The following MPRIP variants were observed in gnomAD, a reference collection of about 807,000 sequenced individuals.
The protein encoded by MPRIP is myosin phosphatase Rho interacting protein.
A neutral mutation model predicts 234.9 loss-of-function variants in MPRIP; 59 were observed. The ratio of observed to expected loss-of-function variants is 0.25; its 90% CI spans 0.20 to 0.31. The LOEUF (loss-of-function observed/expected upper bound fraction) is 0.31, where lower values mean the gene tolerates loss of function less well. Among genes scored for constraint, MPRIP ranks in the 10% least tolerant of loss-of-function variants. The probability of loss-of-function intolerance (pLI) is 1.00; values close to 1 mark genes in which losing one functional copy is unlikely to be tolerated. For missense variants in MPRIP, 2,436 were observed against 3,071.0 expected, an observed-to-expected ratio of 0.79 and a Z score of 4.89; for synonymous variants, 1,144 against 1,263.9, an observed-to-expected ratio of 0.91 and a Z score of 2.01.
intron 3 of MPRIP, among the ~76,000 whole-genome samples, chr17:17,116,660 C>T (rs2090291545): frequency 6.6e-6 from 1 of 152,208 alleles, no homozygotes; most frequent in African/African-American, 2.4e-5. Context: ...AGGTCTGAGG[C>T]CTCCGTCCTG....
intron 7 of MPRIP, chr17:17,142,403 G>A (rs1034825413): frequency 2.6e-5 from 13 of 503,036 alleles, no homozygotes; most frequent in Non-Finnish European, 2.1e-5. Context: ...GGCCTCTAGC[G>A]CGGGGGCAGA....
At chr17:17,145,933 T>C in intron 9 of MPRIP, 103 bp from the exon 10 acceptor site, 1 of 1,165,770 alleles carries the variant, frequency 8.6e-7, no homozygotes, top group Non-Finnish European at 1.2e-6. Context: ...GAGAAACCCC[T>C]TTCCTGGTAC....
At chr17:17,179,888 T>A (rs553790280) in intron 22 of MPRIP, 115 bp from the exon 23 acceptor site, 111 of 805,764 alleles carry the variant, frequency 1.4e-4, no homozygotes, top group Admixed American at 7.4e-4. Context: ...TTTAAGGAAT[T>A]GTCCTAAGTA....
chr17:17,104,770 G>T (rs748456276), intron 3 of MPRIP, among the ~76,000 whole-genome samples: 2 of 152,136 alleles, frequency 1.3e-5, no homozygotes, highest in Non-Finnish European at 2.9e-5. Flanking sequence ...GAGCACCCAC[G>T]CTTCCAGTCT....
rs1221986603 is a variant in MPRIP, at chr17:17,158,606, C to T, written c.2004C>T (p.Pro668=). ...SKTFDWAEFR[P]IQQALAQERV... ...CCTTTGACTGGGCTGAGTTCCGTCCCATCCAGCAGGCCCTGGCTCAGGAGC... is the reference window on the plus strand; with the variant it reads ...CCTTTGACTGGGCTGAGTTCCGTCCTATCCAGCAGGCCCTGGCTCAGGAGC... The change falls in exon 14 of 24, where the codon CCC becomes CCT. Residue 668 remains proline, a synonymous_variant. Coordinates refer to ENST00000651222, the MANE Select transcript of MPRIP (RefSeq NM_001364716.4). 1 of 1,605,520 alleles carries T rather than the reference C, an allele frequency of 6.2e-7. No homozygotes were observed. Among genetic ancestry groups the T allele is most frequent in the Non-Finnish European group, 8.5e-7 (1 of 1,176,740 alleles).
At chr17:17,052,344 T>C (rs2088567131) in intron 1 of MPRIP, among the ~76,000 whole-genome samples, 2 of 152,194 alleles carry the variant, frequency 1.3e-5, no homozygotes, top group African/African-American at 2.4e-5. Context: ...TGCTGCAGAA[T>C]AAATCACAGC....
intron 16 of MPRIP, chr17:17,169,023 C>T (rs1349289526): frequency 2.2e-6 from 1 of 456,758 alleles, no homozygotes; most frequent in African/African-American, 2.0e-5. Flanking sequence ...TCGGCCCCAC[C>T]CAGACACACA....
chr17:17,055,309 A>G (rs1220445028), intron 1 of MPRIP, among the ~76,000 whole-genome samples: 1 of 152,164 alleles, frequency 6.6e-6, no homozygotes, highest in East Asian at 1.9e-4. Flanking sequence ...ACTGCCTTGC[A>G]GTTGTCTGGG....
chr17:17,145,946 G>A (rs1410841191), intron 9 of MPRIP, 90 bp from the exon 10 acceptor site: 24 of 1,259,766 alleles, frequency 1.9e-5, no homozygotes, highest in Admixed American at 3.9e-5. Flanking sequence ...CCTGGTACCC[G>A]CCTCATCTGG....
At chr17:17,066,721 ATCTTTTTTTTTTTTTTTTTTTTTTTTT>A in intron 1 of MPRIP, among the ~76,000 whole-genome samples, 1 of 39,452 alleles carries the variant, frequency 2.5e-5, no homozygotes, top group Non-Finnish European at 7.6e-5. Context: ...TACTTTTTTC[ATCTTTTTTTTTTTTTTTTTTTTTTTTT>A]TTTTTTTTTT....
intron 15 of MPRIP, among the ~76,000 whole-genome samples, chr17:17,162,663 A>AT (rs2045898699): frequency 6.6e-6 from 1 of 152,228 alleles, no homozygotes; most frequent in Non-Finnish European, 1.5e-5. Context: ...GCCTCATCCT[A>AT]TAAGAACTGG....
At chr17:17,112,155 G>A (rs1273804163) in intron 3 of MPRIP, among the ~76,000 whole-genome samples, 1 of 152,138 alleles carries the variant, frequency 6.6e-6, no homozygotes, top group Non-Finnish European at 1.5e-5. Context: ...ATACTTGCGG[G>A]ACAGAACATG....
intron 3 of MPRIP, among the ~76,000 whole-genome samples, chr17:17,086,194 G>A (rs994624820): frequency 2.6e-5 from 4 of 152,152 alleles, no homozygotes; most frequent in African/African-American, 4.8e-5. Flanking sequence ...AAGGAGAAGC[G>A]GCTGGGTCCG....
chr17:17,065,786 C>T (rs754618424), intron 1 of MPRIP, among the ~76,000 whole-genome samples: 1 of 152,150 alleles, frequency 6.6e-6, no homozygotes, highest in African/African-American at 2.4e-5. Flanking sequence ...TTGCAGTCCA[C>T]GAACACATTA....
chr17:17,166,558 A>G lies in MPRIP; in HGVS notation c.4967A>G (p.Gln1656Arg), dbSNP rs2046001969. 3 of 1,304,254 alleles carry G rather than the reference A, an allele frequency of 2.3e-6. No homozygotes were observed. Among genetic ancestry groups the G allele is most frequent in the Non-Finnish European group, 3.0e-6 (3 of 988,976 alleles). 80.8% of individuals were successfully genotyped at this position (1,304,254 alleles called of 1,614,324 possible). Residue 1656 changes from glutamine to arginine, a missense_variant, in exon 16 of 24, where the codon CAG becomes CGG. Physicochemically the swap from Gln to Arg is conservative, Grantham distance 43. Around this residue, in one of 4 missense-constraint regions of MPRIP, gnomAD observed 1,998 missense variants for 2,520.3 expected, o/e 0.79. Transcript: ENST00000651222. This position sits in a 1 kb window ranked among gnomAD's most constrained non-coding sequence, Gnocchi z 4.4. Reference sequence around the variant, plus strand: ...GGAGACGGGCAGCAAAGCATCCCACAGGGCCTGGCCCCCATCCTGGCCAAT... The same window carrying G: ...GGAGACGGGCAGCAAAGCATCCCACGGGGCCTGGCCCCCATCCTGGCCAAT... ...ASGDGQQSIP[Q>R]GLAPILANAT...
chr17:17,164,580 A>C lies in MPRIP; in HGVS notation c.2989A>C (p.Ile997Leu). The change falls in exon 16 of 24, where the codon ATT (isoleucine) becomes CTT (leucine). Residue 997 changes from isoleucine (I) to leucine (L), a missense_variant. Ile to Leu is a conservative substitution (Grantham distance 5). Coordinates refer to ENST00000651222, the MANE Select transcript of MPRIP (RefSeq NM_001364716.4). ...GGAGGTCCAGAGGCTGCAGGAGCGC[A>C]TTGCCGACCTCAGCCAGCAACTGGG... ...QKEVQRLQER[I>L]ADLSQQLGAS... 8.3e-7 allele frequency: 1 copy of C among 1,211,224 alleles called. No individual in the cohort carries two copies. Among genetic ancestry groups the C allele is most frequent in the Non-Finnish European group, 1.1e-6 (1 of 946,888 alleles). The allele number at this position is 1,211,224 out of a possible 1,614,324, so 75.0% of individuals were successfully genotyped here.
chr17:17,071,840 G>T (rs1474244670), intron 1 of MPRIP, among the ~76,000 whole-genome samples: 1 of 152,136 alleles, frequency 6.6e-6, no homozygotes, highest in African/African-American at 2.4e-5. Context: ...CAGGACTCGG[G>T]CCCCATCCTT....
At chr17:17,063,271 G>C (rs1302399617) in intron 1 of MPRIP, among the ~76,000 whole-genome samples, 3 of 152,230 alleles carry the variant, frequency 2.0e-5, no homozygotes, top group Non-Finnish European at 4.4e-5. Flanking sequence ...CTGTAGACTT[G>C]TGTTTATTTA....
chr17:17,154,598 T>C (rs2045686953), intron 13 of MPRIP, among the ~76,000 whole-genome samples, 183 bp downstream of exon 13: 1 of 152,208 alleles, frequency 6.6e-6, no homozygotes, highest in African/African-American at 2.4e-5. Flanking sequence ...GAACAAACAT[T>C]TCTGGTTCTT....
Sources: gnomAD v4.1 joint callset for allele counts (sites outside exome capture counted in the v4.1 genomes callset) on GRCh38, gnomAD v4.1.1 for gene constraint, gnomAD v4.1.1 regional missense constraint, Gnocchi (gnomAD v3.1) non-coding constraint, MANE v1.5 for transcripts, NCBI Gene and HGNC (gene_info 2026-07-23, HGNC 2026-07-21) for gene names.